Variants in WWOX observed in about 807,000 individuals in gnomAD.
WWOX encodes WW domain containing oxidoreductase.
In WWOX, 69 loss-of-function variants were observed where a neutral mutation model predicts 46.2. That is an observed-to-expected ratio of 1.49 (90% CI 1.23 to 1.82). The LOEUF (loss-of-function observed/expected upper bound fraction) is 1.82. Ranked by LOEUF, WWOX falls within the 40% of genes most tolerant of loss-of-function variation. The pLI is 0.00. For missense variants in WWOX, 919 were observed against 542.6 expected (o/e 1.69, Z -6.89); for synonymous variants, 359 against 202.6 (o/e 1.77, Z -6.56).
intron 5 of WWOX, among the ~76,000 whole-genome samples, chr16:78,217,245 C>G (rs1213427492): frequency 6.6e-6 from 1 of 152,134 alleles, no homozygotes; most frequent in African/African-American, 2.4e-5. Context: ...TTCTTCCTAA[C>G]TTCTCCTGCC....
At chr16:79,132,650 C>T (rs779466121) in intron 8 of WWOX, among the ~76,000 whole-genome samples, 1 of 151,928 alleles carries the variant, frequency 6.6e-6, no homozygotes, top group Non-Finnish European at 1.5e-5. Context: ...AAGAATAAAT[C>T]CCTTAGGACC....
chr16:78,590,370 T>C (rs896363787), intron 8 of WWOX, among the ~76,000 whole-genome samples: 4 of 152,154 alleles, frequency 2.6e-5, no homozygotes, highest in Admixed American at 1.3e-4. Context: ...GAAAGTGTTA[T>C]AGTATTAAGG....
chr16:78,749,277 C>T (rs750941354), intron 8 of WWOX, among the ~76,000 whole-genome samples: 4 of 151,672 alleles, frequency 2.6e-5, no homozygotes, highest in South Asian at 4.2e-4. Flanking sequence ...AAACAGAGCT[C>T]GAGAGAAGTT....
At chr16:78,759,559 T>C (rs772964395) in intron 8 of WWOX, among the ~76,000 whole-genome samples, 6 of 152,110 alleles carry the variant, frequency 3.9e-5, no homozygotes, top group Admixed American at 1.3e-4. Flanking sequence ...TAGGTACTCA[T>C]TGAATCCTTT....
intron 5 of WWOX, among the ~76,000 whole-genome samples, chr16:78,210,355 T>C (rs528195230): frequency 1.3e-5 from 2 of 152,310 alleles, no homozygotes; most frequent in East Asian, 3.9e-4. Context: ...CCCTGCATCA[T>C]GAGACTGTCA....
chr16:79,180,456 T>A (rs2050888003), intron 8 of WWOX, among the ~76,000 whole-genome samples: 1 of 152,026 alleles, frequency 6.6e-6, no homozygotes, highest in African/African-American at 2.4e-5. Context: ...AAGCCTGGGG[T>A]GGTGATGGTG....
intron 8 of WWOX, among the ~76,000 whole-genome samples, chr16:78,445,167 T>C (rs1348167284): frequency 6.6e-6 from 1 of 152,190 alleles, no homozygotes; most frequent in East Asian, 1.9e-4. Flanking sequence ...TAAGCTGTCC[T>C]AGAGTCTGGA....
At chr16:78,729,219 G>A (rs11643137) in intron 8 of WWOX, among the ~76,000 whole-genome samples, 2 of 151,816 alleles carry the variant, frequency 1.3e-5, no homozygotes, top group Admixed American at 1.3e-4. Context: ...GTGCATGCCT[G>A]TTGTCCCAGC....
intron 5 of WWOX, among the ~76,000 whole-genome samples, chr16:78,235,566 G>A (rs1020009382): frequency 9.2e-5 from 14 of 152,188 alleles, no homozygotes; most frequent in Non-Finnish European, 1.2e-4. Context: ...CATCTTCAGC[G>A]TGGCTTCACT....
chr16:78,813,644 C>T (rs911044541), intron 8 of WWOX, among the ~76,000 whole-genome samples: 1 of 152,006 alleles, frequency 6.6e-6, no homozygotes, highest in Non-Finnish European at 1.5e-5. Context: ...TCTCCAAGGT[C>T]TTATCAACAG....
At chr16:78,573,415 T>C (rs1467661525) in intron 8 of WWOX, among the ~76,000 whole-genome samples, 1 of 152,254 alleles carries the variant, frequency 6.6e-6, no homozygotes, top group Non-Finnish European at 1.5e-5. Context: ...AGATTTTATG[T>C]GATGAAAACA....
At chr16:78,651,093 A>G (rs1418568164) in intron 8 of WWOX, among the ~76,000 whole-genome samples, 2 of 152,242 alleles carry the variant, frequency 1.3e-5, no homozygotes, top group African/African-American at 4.8e-5. Flanking sequence ...CGAGGAGGTT[A>G]GACCCCTGAC....
intron 8 of WWOX, among the ~76,000 whole-genome samples, chr16:78,943,084 A>G (rs2045882983): frequency 6.6e-6 from 1 of 152,182 alleles, no homozygotes; most frequent in Non-Finnish European, 1.5e-5. Context: ...GACGGCAACT[A>G]TTTTAAATTG....
At chr16:78,174,400 C>T (rs954969567) in intron 5 of WWOX, among the ~76,000 whole-genome samples, 1 of 152,114 alleles carries the variant, frequency 6.6e-6, no homozygotes, top group Admixed American at 6.5e-5. Flanking sequence ...CCCCCGGGTC[C>T]CTCCCACAAC....
chr16:79,134,997 T>C (rs1484891437), intron 8 of WWOX, among the ~76,000 whole-genome samples: 3 of 152,196 alleles, frequency 2.0e-5, no homozygotes, highest in Non-Finnish European at 2.9e-5. Context: ...TGATTTGAAA[T>C]TGAAATGAGG....
intron 8 of WWOX, among the ~76,000 whole-genome samples, chr16:78,837,139 G>A (rs1313548190): frequency 1.3e-5 from 2 of 152,124 alleles, no homozygotes; most frequent in African/African-American, 4.8e-5. Context: ...AAAAGAAAAA[G>A]AGCAGGTGGA....
intron 8 of WWOX, among the ~76,000 whole-genome samples, chr16:78,585,913 G>C (rs778195787): frequency 3.3e-5 from 5 of 151,908 alleles, no homozygotes; most frequent in Non-Finnish European, 7.4e-5. Context: ...TCAGAGGTTT[G>C]GTGATCAGCG....
chr16:78,257,571 C>T (rs2038166092), intron 5 of WWOX, among the ~76,000 whole-genome samples: 1 of 152,150 alleles, frequency 6.6e-6, no homozygotes, highest in Non-Finnish European at 1.5e-5. Context: ...GGAGGCACTG[C>T]TGTTTACTCT....
intron 8 of WWOX, among the ~76,000 whole-genome samples, chr16:78,818,761 A>G (rs188215913): frequency 5.9e-5 from 9 of 152,326 alleles, no homozygotes; most frequent in Non-Finnish European, 8.8e-5. Context: ...GTCATTAACT[A>G]TTCGGGGCCT....
Sources: allele counts gnomAD v4.1 joint callset (sites outside exome capture counted in the v4.1 genomes callset), GRCh38; gene constraint gnomAD v4.1.1; transcripts MANE v1.5; gene names NCBI Gene and HGNC (gene_info 2026-07-23, HGNC 2026-07-21).